Variants in ROBO2 observed in about 807,000 individuals in gnomAD.
The protein encoded by ROBO2 is roundabout homolog 2.
ROBO2 carries 53 observed loss-of-function variants against 160.8 expected under a neutral mutation model. That is an observed-to-expected ratio of 0.33 (90% CI 0.26 to 0.41). ROBO2 has a LOEUF of 0.41. Ranked by LOEUF, ROBO2 falls within the 10% of genes least tolerant of loss-of-function variation. The probability of loss-of-function intolerance (pLI) is 1.00; values close to 1 mark genes in which losing one functional copy is unlikely to be tolerated. For missense variants in ROBO2, 1,577 were observed against 1,722.4 expected (o/e 0.92, Z 1.49); for synonymous variants, 664 against 611.7 (o/e 1.09, Z -1.26).
At chr3:77,340,559 A>G (rs1356726930) in intron 2 of ROBO2, among the ~76,000 whole-genome samples, 2 of 152,166 alleles carry the variant, frequency 1.3e-5, no homozygotes, top group African/African-American at 4.8e-5. Flanking sequence ...AAGACAAATC[A>G]TCATTTTCAG....
intron 2 of ROBO2, among the ~76,000 whole-genome samples, chr3:76,809,780 A>AT (rs939841331): frequency 6.6e-6 from 1 of 152,060 alleles, no homozygotes; most frequent in Non-Finnish European, 1.5e-5. Flanking sequence ...ACCTTATATC[A>AT]TTTTTTGAAC....
intron 2 of ROBO2, among the ~76,000 whole-genome samples, chr3:76,334,116 A>T (rs931131675): frequency 6.6e-6 from 1 of 152,196 alleles, no homozygotes; most frequent in Non-Finnish European, 1.5e-5. Flanking sequence ...CGTTGTGCAC[A>T]TGTACCCTAG....
intron 2 of ROBO2, among the ~76,000 whole-genome samples, chr3:77,221,854 C>CTTTTTTTTTTTTT (rs5850317): frequency 2.9e-5 from 4 of 140,282 alleles, no homozygotes; most frequent in Admixed American, 7.1e-5. Context: ...TTTTCTTTTT[C>CTTTTTTTTTTTTT]TTTTTTTTTT....
rs557548361 is a variant in ROBO2 at position 76,502,966 on chromosome 3, T to C, written c.109+565364T>C. ...CAACCATGTAGTAGTCAGGGTTCTC[T>C]TAGAGGGACAGAACTAACAGGATAT... On this transcript the variant is annotated intron_variant, in intron 2 of 26. Transcript: ENST00000487694. Among the ~76,000 whole-genome samples, 4 of 151,998 alleles carry C rather than the reference T, an allele frequency of 2.6e-5. No homozygotes were observed. In the South Asian group the frequency reaches 8.3e-4, roughly 32 times the overall value.
chr3:75,952,691 T>C (rs1948590950), intron 2 of ROBO2, among the ~76,000 whole-genome samples: 1 of 152,004 alleles, frequency 6.6e-6, no homozygotes, highest in Non-Finnish European at 1.5e-5. Context: ...TTATGCATTC[T>C]ATAGGTTTTG....
intron 2 of ROBO2, among the ~76,000 whole-genome samples, chr3:75,992,896 G>A (rs993974848): frequency 2.0e-5 from 3 of 152,194 alleles, no homozygotes; most frequent in Admixed American, 2.0e-4. Context: ...CTGCCCTGCT[G>A]GATTTTGGAC....
intron 2 of ROBO2, among the ~76,000 whole-genome samples, chr3:76,424,790 T>C (rs1193343605): frequency 6.6e-6 from 1 of 152,176 alleles, no homozygotes; most frequent in Non-Finnish European, 1.5e-5. Flanking sequence ...CACATCAAGT[T>C]GTATCATTAA....
chr3:76,033,875 G>T (rs1027659429), intron 2 of ROBO2, among the ~76,000 whole-genome samples: 1 of 152,106 alleles, frequency 6.6e-6, no homozygotes, highest in Non-Finnish European at 1.5e-5. Context: ...TCTCCGTGTG[G>T]TTACCCTCCT....
At chr3:76,014,925 C>T (rs2107635585) in intron 2 of ROBO2, among the ~76,000 whole-genome samples, 1 of 152,158 alleles carries the variant, frequency 6.6e-6, no homozygotes, top group Non-Finnish European at 1.5e-5. Context: ...GAGACCCTGT[C>T]TCTAAAAATA....
chr3:76,856,609 A>G (rs572742034), intron 2 of ROBO2, among the ~76,000 whole-genome samples: 157 of 152,332 alleles, frequency 1.0e-3, no homozygotes, highest in African/African-American at 3.7e-3. Flanking sequence ...TAAAATACAG[A>G]TTCCTGGGCA....
At chr3:76,717,520 C>A (rs1235612858) in intron 2 of ROBO2, among the ~76,000 whole-genome samples, 1 of 151,510 alleles carries the variant, frequency 6.6e-6, no homozygotes, top group Non-Finnish European at 1.5e-5. Flanking sequence ...AAAAGAAAAG[C>A]CCCACTATCA....
chr3:76,372,083 T>C (rs1472311904), intron 2 of ROBO2, among the ~76,000 whole-genome samples: 1 of 151,822 alleles, frequency 6.6e-6, no homozygotes, highest in East Asian at 1.9e-4. Context: ...TGTTTAATTA[T>C]AACATGAAAA....
chr3:76,751,590 A>G (rs1391971348), intron 2 of ROBO2, among the ~76,000 whole-genome samples: 2 of 152,182 alleles, frequency 1.3e-5, no homozygotes, highest in Non-Finnish European at 2.9e-5. Flanking sequence ...ACTTAAATTT[A>G]TAAGAGAAAA....
intron 2 of ROBO2, among the ~76,000 whole-genome samples, chr3:76,838,292 T>C (rs1207185214): frequency 1.3e-5 from 2 of 152,128 alleles, no homozygotes. Context: ...TTGGCCTTAA[T>C]TCCTGGGTGA....
intron 2 of ROBO2, among the ~76,000 whole-genome samples, chr3:76,436,542 C>T (rs1346785338): frequency 6.6e-6 from 1 of 152,126 alleles, no homozygotes; most frequent in Non-Finnish European, 1.5e-5. Flanking sequence ...CAAACACTTA[C>T]CAAAATAGGC....
At chr3:77,620,931 T>G (rs1162198494) in intron 22 of ROBO2, among the ~76,000 whole-genome samples, 1 of 152,244 alleles carries the variant, frequency 6.6e-6, no homozygotes, top group East Asian at 1.9e-4. Flanking sequence ...ATACTTACTA[T>G]GTTAAAACAT....
chr3:76,097,588 CAA>C (rs910132877), intron 2 of ROBO2, among the ~76,000 whole-genome samples: 1 of 152,016 alleles, frequency 6.6e-6, no homozygotes, highest in Non-Finnish European at 1.5e-5. Flanking sequence ...TAGAAAATGT[CAA>C]AGAGTGGAGG....
intron 2 of ROBO2, among the ~76,000 whole-genome samples, chr3:77,365,952 T>A (rs2070802596): frequency 6.6e-6 from 1 of 152,178 alleles, no homozygotes; most frequent in Non-Finnish European, 1.5e-5. Flanking sequence ...AGAAAAATTA[T>A]TTTGATTGCA....
At position 77,499,318 on chromosome 3, in the gene ROBO2, G is replaced by A. The variant is rs1219594501; in HGVS notation, c.806+5936G>A. 2.6e-5 allele frequency among the ~76,000 whole-genome samples: 4 copies of A among 152,304 alleles called. 1 individual carries two copies. The South Asian group carries it at 8.3e-4, about 32-fold the overall frequency. ...CATCCTGAAAATATGGCCCAGCAAT[G>A]TGGTAGGACTGGTGATTAACCTATA... On this transcript the variant is annotated intron_variant, in intron 5 of 25. Transcript: ENST00000461745.
Sources: gnomAD v4.1 joint callset for allele counts (sites outside exome capture counted in the v4.1 genomes callset) on GRCh38, gnomAD v4.1.1 for gene constraint, MANE v1.5 for transcripts, NCBI Gene and HGNC (gene_info 2026-07-23, HGNC 2026-07-21) for gene names.